The following IQCM variants were observed in gnomAD, a reference collection of about 807,000 sequenced individuals.
The protein encoded by IQCM is IQ domain-containing protein M.
A neutral mutation model predicts 57.6 loss-of-function variants in IQCM; 45 were observed. That is an observed-to-expected ratio of 0.78 (90% CI 0.62 to 1.00). The LOEUF is 1.00. Ranked by LOEUF, IQCM falls within the 50% of genes least tolerant of loss-of-function variation. IQCM has a pLI of 0.00. For missense variants in IQCM, 468 were observed against 511.6 expected, an observed-to-expected ratio of 0.91 and a Z score of 0.82; for synonymous variants, 148 against 158.9, an observed-to-expected ratio of 0.93 and a Z score of 0.51.
At chr4:149,683,260 A>C (rs1762314087) in intron 6 of IQCM, among the ~76,000 whole-genome samples, 2 of 151,166 alleles carry the variant, frequency 1.3e-5, no homozygotes, top group Admixed American at 6.6e-5. Flanking sequence ...TTGAACATTT[A>C]TATTTGTGCA....
chr4:149,451,560 CA>C (rs1737124602), intron 12 of IQCM, among the ~76,000 whole-genome samples: 1 of 151,412 alleles, frequency 6.6e-6, no homozygotes, highest in Non-Finnish European at 1.5e-5. Flanking sequence ...AACAATCAGA[CA>C]AAAAGTCTAA....
At chr4:149,631,524 T>C (rs1579775869) in intron 7 of IQCM, among the ~76,000 whole-genome samples, 1 of 152,190 alleles carries the variant, frequency 6.6e-6, no homozygotes, top group Admixed American at 6.5e-5. Flanking sequence ...ACAAAAGTTA[T>C]GCTTATGAAG....
At chr4:149,704,864 T>C (rs1337596850) in intron 5 of IQCM, among the ~76,000 whole-genome samples, 1 of 151,746 alleles carries the variant, frequency 6.6e-6, no homozygotes, top group African/African-American at 2.4e-5. Context: ...CATCAAGTAG[T>C]CAAATAAAGC....
intron 7 of IQCM, among the ~76,000 whole-genome samples, chr4:149,672,382 A>G (rs541180869): frequency 6.6e-6 from 1 of 152,322 alleles, no homozygotes. Flanking sequence ...ACCTTGAAAA[A>G]AGATTAGACA....
At chr4:149,669,644 A>C (rs916216211) in intron 7 of IQCM, among the ~76,000 whole-genome samples, 1 of 152,064 alleles carries the variant, frequency 6.6e-6, no homozygotes, top group Admixed American at 6.6e-5. Context: ...ATCTTGAATT[A>C]ATTTTTGTAT....
chr4:149,508,026 C>A (rs1029703326), intron 12 of IQCM, among the ~76,000 whole-genome samples: 1 of 151,698 alleles, frequency 6.6e-6, no homozygotes, highest in Non-Finnish European at 1.5e-5. Flanking sequence ...AGCTGCCAAG[C>A]CTTGGCAGCT....
intron 13 of IQCM, among the ~76,000 whole-genome samples, chr4:149,363,827 G>T (rs557478744): frequency 3.9e-5 from 6 of 152,048 alleles, no homozygotes; most frequent in Non-Finnish European, 8.8e-5. Context: ...ATAAATTTCT[G>T]GCATTCCATA....
chr4:149,505,002 T>A (rs1398530872), intron 12 of IQCM, among the ~76,000 whole-genome samples: 1 of 152,036 alleles, frequency 6.6e-6, no homozygotes, highest in African/African-American at 2.4e-5. Flanking sequence ...GCTGGCAGCT[T>A]ACCATAGATT....
At chr4:149,357,721 C>G (rs1236285347) in intron 13 of IQCM, among the ~76,000 whole-genome samples, 1 of 152,252 alleles carries the variant, frequency 6.6e-6, no homozygotes, top group East Asian at 1.9e-4. Flanking sequence ...ATTGTTGTGT[C>G]TCTGTCAGGC....
chr4:149,710,877 C>T (rs1764510197), intron 5 of IQCM: 1 of 152,010 alleles, frequency 6.6e-6, no homozygotes, highest in African/African-American at 2.4e-5. Flanking sequence ...TATTTCACTA[C>T]TAACCCATAC....
At chr4:149,478,958 T>TC (rs993207317) in intron 12 of IQCM, among the ~76,000 whole-genome samples, 8 of 99,540 alleles carry the variant, frequency 8.0e-5, no homozygotes, top group Admixed American at 4.8e-4. Context: ...GACTGTGTCC[T>TC]CCCCCCAAAT....
chr4:149,803,568 T>A (rs917964382), intron 2 of IQCM, among the ~76,000 whole-genome samples: 2 of 152,016 alleles, frequency 1.3e-5, no homozygotes, highest in Middle Eastern at 3.2e-3. Context: ...GATTCTGATG[T>A]TTGTCTCGTC....
At chr4:149,759,318 C>G (rs188708696) in intron 2 of IQCM, among the ~76,000 whole-genome samples, 142 of 152,232 alleles carry the variant, frequency 9.3e-4, no homozygotes, top group Admixed American at 1.5e-3. Context: ...AAATACACCA[C>G]GTAACGGTGA....
intron 7 of IQCM, among the ~76,000 whole-genome samples, chr4:149,646,404 T>A (rs1487646884): frequency 6.6e-6 from 1 of 152,106 alleles, no homozygotes; most frequent in Non-Finnish European, 1.5e-5. Flanking sequence ...CAGCATATTT[T>A]TCCAGAATAT....
At chr4:149,761,506 GCTC>G (rs1769510474) in intron 2 of IQCM, among the ~76,000 whole-genome samples, 1 of 151,912 alleles carries the variant, frequency 6.6e-6, no homozygotes, top group South Asian at 2.1e-4. Flanking sequence ...TTCTCCTTTT[GCTC>G]CTCCTCATCA....
At chr4:149,581,492 A>C (rs1046149728) in intron 9 of IQCM, among the ~76,000 whole-genome samples, 3 of 151,616 alleles carry the variant, frequency 2.0e-5, no homozygotes, top group African/African-American at 7.3e-5. Flanking sequence ...AGAAAGAAAG[A>C]GGTAGAGAAA....
At chr4:149,449,714 C>T (rs569209652) in intron 12 of IQCM, among the ~76,000 whole-genome samples, 76 of 151,146 alleles carry the variant, frequency 5.0e-4, no homozygotes, top group African/African-American at 1.7e-3. Context: ...GAAGAGGCCA[C>T]CAAAAAAGGA....
At position 149,379,601 on chromosome 4, in the gene IQCM, T is replaced by C. The variant is rs564470453; in HGVS notation, c.1391-27535A>G. 2.6e-5 allele frequency among the ~76,000 whole-genome samples: 4 copies of C among 152,322 alleles called. No homozygotes were observed. The East Asian group carries it at 7.7e-4, about 29-fold the overall frequency. On this transcript the variant is annotated intron_variant, in intron 13 of 13. Coordinates refer to ENST00000636793, the MANE Select transcript of IQCM (RefSeq NM_001363507.2). The stretch of plus-strand genomic sequence containing the variant: ...TTCTTCCATTTGGAATAGCTGTATT[T>C]ACCCAATGCCTCTACCCCCATTTTA...
At chr4:149,552,919 A>T (rs1480119090) in intron 11 of IQCM, among the ~76,000 whole-genome samples, 1 of 152,226 alleles carries the variant, frequency 6.6e-6, no homozygotes, top group East Asian at 1.9e-4. Flanking sequence ...TTCTCCTGTT[A>T]AATTTCCTTT....
Sources: gnomAD v4.1 joint callset for allele counts (sites outside exome capture counted in the v4.1 genomes callset) on GRCh38, gnomAD v4.1.1 for gene constraint, MANE v1.5 for transcripts, NCBI Gene and HGNC (gene_info 2026-07-23, HGNC 2026-07-21) for gene names.